Variants in GOLM2 observed in about 807,000 individuals in gnomAD.
GOLM2 encodes the protein golgi membrane protein 2.
A neutral mutation model predicts 55.9 loss-of-function variants in GOLM2; 26 were observed. The ratio of observed to expected loss-of-function variants is 0.47; its 90% CI spans 0.34 to 0.65. The LOEUF is 0.65. Ranked by LOEUF, GOLM2 falls within the 30% of genes least tolerant of loss-of-function variation. The pLI, the probability that GOLM2 is intolerant of heterozygous loss-of-function variation, is 0.01. For synonymous variants in GOLM2, 165 were observed against 194.6 expected (o/e 0.85, Z 1.27); for missense variants, 486 against 531.8 (o/e 0.91, Z 0.85).
chr15:44,319,061 T>A (rs2078931494), intron 1 of GOLM2, among the ~76,000 whole-genome samples: 2 of 152,236 alleles, frequency 1.3e-5, no homozygotes, highest in Admixed American at 1.3e-4. Context: ...ATGAAGGCTG[T>A]ATTAAATCCT....
chr15:44,292,284 G>A (rs748961288), intron 1 of GOLM2, among the ~76,000 whole-genome samples: 30 of 143,254 alleles, frequency 2.1e-4, no homozygotes, highest in Non-Finnish European at 3.7e-4. Flanking sequence ...TGCAAGCTCC[G>A]CCTCCTGGGT....
In GOLM2 at chr15:44,407,468, T is replaced by G. The variant is rs186763713; in HGVS notation, c.1240+4414T>G. The stretch of plus-strand genomic sequence containing the variant: ...TTTTTGTAGTGGCAGGATTTAGCCA[T>G]GTTTCCCATGTTTCCCAGGCTGGTC... On this transcript the variant is annotated intron_variant, in intron 9 of 9. Transcript: ENST00000299957. 3.1e-3 allele frequency among the ~76,000 whole-genome samples: 473 copies of G among 151,676 alleles called. 4 individuals carry two copies. The highest frequency in any genetic ancestry group is 5.6e-3 in the Non-Finnish European group (379 of 67,908).
intron 1 of GOLM2, among the ~76,000 whole-genome samples, chr15:44,296,299 A>T (rs1249617970): frequency 1.3e-5 from 2 of 152,206 alleles, no homozygotes; most frequent in Non-Finnish European, 2.9e-5. Context: ...CTTGATAAAT[A>T]AAAGGAGCTG....
In GOLM2 at chr15:44,401,681, T is replaced by C. The variant is rs2079566070; in HGVS notation, c.1073-1206T>C. The stretch of plus-strand genomic sequence containing the variant: ...ATGGATTAAAATAAATCTACTTTTA[T>C]GCTAAGTTAAACTTAATGTCTAAAT... On this transcript the variant is annotated intron_variant, in intron 8 of 9. Coordinates refer to ENST00000299957, the MANE Select transcript of GOLM2 (RefSeq NM_138423.4). Among the ~76,000 whole-genome samples, 4 of 152,232 alleles carry C rather than the reference T, an allele frequency of 2.6e-5. No individual in the cohort carries two copies. The South Asian group carries it at 8.3e-4, about 31-fold the overall frequency.
In GOLM2 at chr15:44,413,441, T is replaced by C; in HGVS notation, c.*35T>C. On this transcript the variant is annotated 3_prime_UTR_variant, in exon 10 of 10. Coordinates refer to ENST00000299957, the MANE Select transcript of GOLM2 (RefSeq NM_138423.4). ...GAATGCTTCAGAAAACCTAAAGTGC[T>C]GTAAAATGAAATCATTCTACTTTGT... The C allele has an allele frequency of 6.9e-7, 1 of 1,452,918 alleles. No homozygotes were observed. The highest frequency in any genetic ancestry group is 9.6e-7 in the Non-Finnish European group (1 of 1,043,786). The allele number at this position is 1,452,918 out of a possible 1,614,324, so 90.0% of individuals were successfully genotyped here. A position where few individuals can be genotyped will look rare whatever the true frequency, so the allele number is the denominator to read the frequency against.
chr15:44,333,535 G>A (rs189168788), intron 4 of GOLM2, among the ~76,000 whole-genome samples: 9 of 152,246 alleles, frequency 5.9e-5, no homozygotes, highest in East Asian at 1.9e-4. Context: ...ATTGGTGGAC[G>A]AAGGCAGGCC....
chr15:44,292,403 A>T lies in GOLM2; in HGVS notation c.327+3047A>T, dbSNP rs1018332761. 2.0e-5 allele frequency among the ~76,000 whole-genome samples: 3 copies of T among 151,938 alleles called. No homozygotes were observed. In the East Asian group the frequency reaches 5.8e-4, roughly 29 times the overall value. ...AGTAGAGATGGGGTTTCACCATGTT[A>T]GCCAAGATGGTCTCGATCTCCTGAC... On this transcript the variant is annotated intron_variant, in intron 1 of 9. Coordinates refer to ENST00000299957, the MANE Select transcript of GOLM2 (RefSeq NM_138423.4).
chr15:44,310,878 A>G (rs192328963), intron 1 of GOLM2, among the ~76,000 whole-genome samples: 1 of 152,216 alleles, frequency 6.6e-6, no homozygotes, highest in African/African-American at 2.4e-5. Context: ...TTAGCTGGGC[A>G]TGGTGGCACA....
At chr15:44,404,763 T>G (rs1031282654) in intron 9 of GOLM2, among the ~76,000 whole-genome samples, 1 of 152,126 alleles carries the variant, frequency 6.6e-6, no homozygotes, top group Non-Finnish European at 1.5e-5. Flanking sequence ...CACAGTACTT[T>G]GCACATCACC....
chr15:44,353,637 G>T (rs924867783), intron 6 of GOLM2, among the ~76,000 whole-genome samples: 1 of 152,078 alleles, frequency 6.6e-6, no homozygotes, highest in Non-Finnish European at 1.5e-5. Context: ...CAACATGGAT[G>T]GAACTATGGT....
chr15:44,395,841 AAATAT>A (rs1162550599), intron 8 of GOLM2, among the ~76,000 whole-genome samples: 3 of 152,088 alleles, frequency 2.0e-5, no homozygotes, highest in African/African-American at 7.2e-5. Context: ...TCCGTCTCAA[AAATAT>A]AATAAAATAA....
intron 8 of GOLM2, among the ~76,000 whole-genome samples, chr15:44,393,426 C>A (rs1304516670): frequency 6.6e-6 from 1 of 152,058 alleles, no homozygotes; most frequent in African/African-American, 2.4e-5. Flanking sequence ...CCATATTAAT[C>A]TAGAACTTCA....
chr15:44,365,923 T>G (rs2079280366), intron 6 of GOLM2, among the ~76,000 whole-genome samples: 1 of 152,190 alleles, frequency 6.6e-6, no homozygotes, highest in Non-Finnish European at 1.5e-5. Flanking sequence ...TCGGGGAGGC[T>G]ATCCATGGCC....
intron 1 of GOLM2, among the ~76,000 whole-genome samples, chr15:44,303,412 G>A (rs1413582750): frequency 6.6e-6 from 1 of 152,066 alleles, no homozygotes; most frequent in Non-Finnish European, 1.5e-5. Context: ...TTTGAAACGT[G>A]TTATAGTAGA....
At chr15:44,332,516 C>T (rs2079029058) in intron 4 of GOLM2, among the ~76,000 whole-genome samples, 1 of 150,988 alleles carries the variant, frequency 6.6e-6, no homozygotes, top group South Asian at 2.1e-4. Context: ...GCCAAGATCA[C>T]ACCACTGCAC....
intron 3 of GOLM2, among the ~76,000 whole-genome samples, chr15:44,331,467 T>G (rs1268480406): frequency 6.6e-6 from 1 of 152,250 alleles, no homozygotes; most frequent in African/African-American, 2.4e-5. Flanking sequence ...GTTTTGCTGC[T>G]GTTCACTTTC....
intron 1 of GOLM2, among the ~76,000 whole-genome samples, chr15:44,293,303 T>C (rs949176057): frequency 6.6e-6 from 1 of 152,202 alleles, no homozygotes; most frequent in Non-Finnish European, 1.5e-5. Flanking sequence ...TCTTCCCTAT[T>C]ATTAACATCT....
At chr15:44,365,524 C>A (rs1034856753) in intron 6 of GOLM2, among the ~76,000 whole-genome samples, 1 of 150,844 alleles carries the variant, frequency 6.6e-6, no homozygotes, top group Admixed American at 6.6e-5. Context: ...GTGTCAAAAA[C>A]AAAAAAGACT....
chr15:44,296,066 G>T (rs914343699), intron 1 of GOLM2, among the ~76,000 whole-genome samples: 1 of 152,132 alleles, frequency 6.6e-6, no homozygotes, highest in Non-Finnish European at 1.5e-5. Context: ...AAGAGATGGG[G>T]TCTTACTACA....
Sources: gnomAD v4.1 joint callset for allele counts (sites outside exome capture counted in the v4.1 genomes callset) on GRCh38, gnomAD v4.1.1 for gene constraint, MANE v1.5 for transcripts, NCBI Gene and HGNC (gene_info 2026-07-23, HGNC 2026-07-21) for gene names.